Variants in ZNF146 observed in about 807,000 individuals in gnomAD.
ZNF146 encodes zinc finger protein OZF.
In ZNF146, 9 loss-of-function variants were observed where a neutral mutation model predicts 22.2. That is an observed-to-expected ratio of 0.41 (90% CI 0.24 to 0.71). The LOEUF (loss-of-function observed/expected upper bound fraction) is 0.71, where lower values mean the gene tolerates loss of function less well. Ranked by LOEUF, ZNF146 falls within the 30% of genes least tolerant of loss-of-function variation. The probability of loss-of-function intolerance (pLI) is 0.34; values close to 1 mark genes in which losing one functional copy is unlikely to be tolerated. For missense variants in ZNF146, 194 were observed against 344.8 expected (o/e 0.56, Z 3.46); for synonymous variants, 108 against 119.2 (o/e 0.91, Z 0.61).
chr19:36,233,252 G>T (rs1282083732), intron 3 of ZNF146, among the ~76,000 whole-genome samples: 2 of 152,084 alleles, frequency 1.3e-5, no homozygotes, highest in Non-Finnish European at 2.9e-5. Flanking sequence ...GGTGATGCAT[G>T]CCTGTAATCC....
intron 2 of ZNF146, among the ~76,000 whole-genome samples, chr19:36,227,141 C>T (rs377749479): frequency 7.2e-5 from 11 of 151,796 alleles, no homozygotes; most frequent in African/African-American, 2.7e-4. Context: ...GTAATCCCAG[C>T]ACTTTGGGAG....
chr19:36,234,319 T>C (rs1977545491), intron 3 of ZNF146, among the ~76,000 whole-genome samples: 1 of 122,966 alleles, frequency 8.1e-6, no homozygotes, highest in Admixed American at 8.1e-5. Flanking sequence ...TGATCTCTCT[T>C]TCTTTTCCCC....
intron 2 of ZNF146, among the ~76,000 whole-genome samples, chr19:36,223,245 C>T (rs1301391887): frequency 2.0e-5 from 3 of 151,606 alleles, no homozygotes; most frequent in East Asian, 1.9e-4. Flanking sequence ...GGTGAAACCC[C>T]GTCTCTACTA....
At position 36,237,084 on chromosome 19, in the gene ZNF146, A is replaced by G; in HGVS notation, c.644A>G (p.Asn215Ser). Reference sequence around the variant, plus strand: ...TCAGGTGATAAACCTTACGAATGCAATGTTTGTGGAAAAGCCTTCTCTCAG... The same window carrying G: ...TCAGGTGATAAACCTTACGAATGCAGTGTTTGTGGAAAAGCCTTCTCTCAG... ...IHSGDKPYEC[N>S]VCGKAFSQSS... The change falls in exon 4 of 4, where the codon AAT (asparagine) becomes AGT (serine). Residue 215 changes from asparagine (N) to serine (S), a missense_variant. Around this residue, in one of 2 missense-constraint regions of ZNF146, gnomAD observed 147 missense variants for 300.1 expected, o/e 0.49. Coordinates refer to ENST00000443387, the MANE Select transcript of ZNF146 (RefSeq NM_007145.3). 1 of 1,614,170 alleles carries G rather than the reference A, an allele frequency of 6.2e-7. No individual in the cohort carries two copies. The highest frequency in any genetic ancestry group is 8.5e-7 in the Non-Finnish European group (1 of 1,180,016).
In ZNF146 at chr19:36,236,288, C is replaced by G; in HGVS notation, c.-153C>G. On this transcript the variant is annotated 5_prime_UTR_variant, in exon 4 of 4. Transcript: ENST00000443387. Reference sequence around the variant, plus strand: ...AGTATGATAACATTTCCTCTCAAACCTTATCCCTTACTCTGCATTTGGGAG... The same window carrying G: ...AGTATGATAACATTTCCTCTCAAACGTTATCCCTTACTCTGCATTTGGGAG... 5 of 915,530 alleles carry G rather than the reference C, an allele frequency of 5.5e-6. No individual in the cohort carries two copies. Among genetic ancestry groups the G allele is most frequent in the Non-Finnish European group, 8.0e-6 (5 of 628,094 alleles). 56.7% of individuals were successfully genotyped at this position (915,530 alleles called of 1,614,324 possible). A position where few individuals can be genotyped will look rare whatever the true frequency, so the allele number is the denominator to read the frequency against.
At position 36,237,456 on chromosome 19, in the gene ZNF146, C is replaced by T. The variant is rs1454773731; in HGVS notation, c.*137C>T. On this transcript the variant is annotated 3_prime_UTR_variant, in exon 4 of 4. Transcript: ENST00000443387. ...ACAAGTACTAAAAACTTAAGGGACA[C>T]CAGAAAATTTGTACTGAAGAGAAAG... 9.2e-7 allele frequency: 1 copy of T among 1,089,216 alleles called. No individual in the cohort carries two copies. Among genetic ancestry groups the T allele is most frequent in the Non-Finnish European group, 1.3e-6 (1 of 784,412 alleles). The allele number at this position is 1,089,216 out of a possible 1,614,324, so 67.5% of individuals were successfully genotyped here.
rs1230449476 is a variant in ZNF146, at chr19:36,236,941, G to A, written c.501G>A (p.Gln167=). The change falls in exon 4 of 4, where the codon CAG becomes CAA. Residue 167 remains glutamine (Q), a synonymous_variant. Coordinates refer to ENST00000443387, the MANE Select transcript of ZNF146 (RefSeq NM_007145.3). ...KCSECGTAFG[Q]KKYLIKHQNI... is the part of the protein sequence containing the mutation. ...GTGAATGTGGAACAGCCTTTGGCCA[G>A]AAGAAGTACCTCATAAAACATCAGA... 6 of 1,613,930 alleles carry A rather than the reference G, an allele frequency of 3.7e-6. No homozygotes were observed. In the Middle Eastern group the frequency reaches 4.9e-4, roughly 133 times the overall value.
intron 2 of ZNF146, among the ~76,000 whole-genome samples, chr19:36,225,847 A>G (rs1207815139): frequency 5.3e-5 from 7 of 133,238 alleles, no homozygotes; most frequent in Non-Finnish European, 1.1e-4. Flanking sequence ...TGCAACGTCC[A>G]CCTCCCAGGC....
In ZNF146 at chr19:36,227,060, G is replaced by A. The variant is rs1464413426; in HGVS notation, c.-854-1688G>A. 3.4e-5 allele frequency among the ~76,000 whole-genome samples: 5 copies of A among 146,674 alleles called. No homozygotes were observed. The Admixed American group carries it at 3.4e-4, about 10-fold the overall frequency. ...ATCGCACCACTGCGCTCCAGCCTGG[G>A]CAACAAGAGTAAAACTCCATCTCAA... is the stretch of plus-strand genomic sequence containing the variant. On this transcript the variant is annotated intron_variant, in intron 2 of 3. Coordinates refer to ENST00000443387, the MANE Select transcript of ZNF146 (RefSeq NM_007145.3).
At position 36,237,180 on chromosome 19, in the gene ZNF146, A is replaced by C. The variant is rs770384302; in HGVS notation, c.740A>C (p.Lys247Thr). The change falls in exon 4 of 4, where the codon AAA becomes ACA. Residue 247 changes from lysine (K) to threonine (T), a missense_variant. By Grantham distance (78) the Lys-to-Thr change is moderately conservative. Around this residue, in one of 2 missense-constraint regions of ZNF146, gnomAD observed 147 missense variants for 300.1 expected, o/e 0.49. Coordinates refer to ENST00000443387, the MANE Select transcript of ZNF146 (RefSeq NM_007145.3). ...CCCTATGGTTGTAATGAATGTGGGA[A>C]AGCTTTCTCTCAGTTCTCAACCCTT... ...EKPYGCNECG[K>T]AFSQFSTLAL... 1 of 1,614,182 alleles carries C rather than the reference A, an allele frequency of 6.2e-7. No individual in the cohort carries two copies. Among genetic ancestry groups the C allele is most frequent in the South Asian group, 1.1e-5 (1 of 91,082 alleles).
intron 3 of ZNF146, among the ~76,000 whole-genome samples, chr19:36,235,112 G>A (rs1301701279): frequency 6.6e-6 from 1 of 151,682 alleles, no homozygotes; most frequent in African/African-American, 2.4e-5. Context: ...AGGAGGCTGA[G>A]GCTAGAGAAT....
intron 3 of ZNF146, among the ~76,000 whole-genome samples, chr19:36,232,996 G>A (rs1036383371): frequency 3.9e-5 from 6 of 152,100 alleles, no homozygotes; most frequent in Admixed American, 3.9e-4. Context: ...ATTTTGCCAC[G>A]CTTTTGTATG....
At chr19:36,221,927 CTTTTTTTT>C (rs60347994) in intron 2 of ZNF146, among the ~76,000 whole-genome samples, 8,314 of 109,976 alleles carry the variant, frequency 0.076, 280 homozygotes, top group Non-Finnish European at 0.088. Context: ...TTTTTTCTTT[CTTTTTTTT>C]TTTTTTTTTT....
At chr19:36,217,716 C>T (rs985615768) in intron 1 of ZNF146, among the ~76,000 whole-genome samples, 36 of 151,954 alleles carry the variant, frequency 2.4e-4, no homozygotes, top group Admixed American at 2.0e-3. Flanking sequence ...GAAACCCCGT[C>T]TCTACTAAAA....
intron 2 of ZNF146, among the ~76,000 whole-genome samples, chr19:36,220,018 G>C (rs754023856): frequency 6.6e-6 from 1 of 152,106 alleles, no homozygotes; most frequent in Non-Finnish European, 1.5e-5. Flanking sequence ...TTTGATGCCA[G>C]TGGATACCCC....
chr19:36,229,080 G>T (rs1977206277), intron 3 of ZNF146, among the ~76,000 whole-genome samples: 1 of 152,222 alleles, frequency 6.6e-6, no homozygotes, highest in South Asian at 2.1e-4. Context: ...CGCCACTGTG[G>T]TGGCTGTTCT....
intron 1 of ZNF146, among the ~76,000 whole-genome samples, chr19:36,216,096 A>C (rs573543665): frequency 6.6e-6 from 1 of 152,342 alleles, no homozygotes; most frequent in African/African-American, 2.4e-5. Flanking sequence ...TAAATAAAGT[A>C]ATTGGGTACC....
At chr19:36,231,681 C>T (rs1977376186) in intron 3 of ZNF146, among the ~76,000 whole-genome samples, 1 of 152,064 alleles carries the variant, frequency 6.6e-6, no homozygotes, top group Non-Finnish European at 1.5e-5. Context: ...ATTTTCAGAT[C>T]CAGAGATTAC....
At position 36,223,432 on chromosome 19, in the gene ZNF146, G is replaced by A. The variant is rs1034431693; in HGVS notation, c.-855+5237G>A. On this transcript the variant is annotated intron_variant, in intron 2 of 3. Coordinates refer to ENST00000443387, the MANE Select transcript of ZNF146 (RefSeq NM_007145.3). ...GGCTGGAATGCAGTGGTGCGATTTC[G>A]GCTCACTGCAAGCTCCGCCTCCCGG... Among the ~76,000 whole-genome samples, 11 of 151,062 alleles carry A rather than the reference G, an allele frequency of 7.3e-5. No homozygotes were observed. In the East Asian group the frequency reaches 9.9e-4, roughly 14 times the overall value.
Sources: gnomAD v4.1 joint callset for allele counts (sites outside exome capture counted in the v4.1 genomes callset) on GRCh38, gnomAD v4.1.1 for gene constraint, gnomAD v4.1.1 regional missense constraint, MANE v1.5 for transcripts, NCBI Gene and HGNC (gene_info 2026-07-23, HGNC 2026-07-21) for gene names.